LDLRAD3: variants seen among roughly 807,000 people sequenced by gnomAD.
The protein encoded by LDLRAD3 is low-density lipoprotein receptor class A domain-containing protein 3.
A neutral mutation model predicts 29.4 loss-of-function variants in LDLRAD3; 20 were observed. The ratio of observed to expected loss-of-function variants is 0.68; its 90% CI spans 0.48 to 0.99. LDLRAD3 has a LOEUF of 0.99. LDLRAD3 is among the 50% of genes least tolerant of loss of function. The pLI, the probability that LDLRAD3 is intolerant of heterozygous loss-of-function variation, is 0.00. For synonymous variants in LDLRAD3, 157 were observed against 192.7 expected, an observed-to-expected ratio of 0.81 and a Z score of 1.53; for missense variants, 420 against 454.3, an observed-to-expected ratio of 0.92 and a Z score of 0.69.
At chr11:36,164,897 T>C (rs1854492704) in intron 4 of LDLRAD3, among the ~76,000 whole-genome samples, 1 of 152,232 alleles carries the variant, frequency 6.6e-6, no homozygotes, top group South Asian at 2.1e-4. Context: ...GAAAGAGATA[T>C]CTTTTAGAAT....
At chr11:36,052,536 G>A (rs1590228131) in intron 2 of LDLRAD3, among the ~76,000 whole-genome samples, 1 of 152,156 alleles carries the variant, frequency 6.6e-6, no homozygotes, top group South Asian at 2.1e-4. Flanking sequence ...TCTTATTTTG[G>A]CATGGGAGGC....
At chr11:35,991,864 T>TG in intron 1 of LDLRAD3, among the ~76,000 whole-genome samples, 1 of 60,130 alleles carries the variant, frequency 1.7e-5, no homozygotes, top group Non-Finnish European at 3.6e-5. Flanking sequence ...ATTGAATGGT[T>TG]GTTTGTGTGT....
At chr11:36,051,620 A>G (rs1256183392) in intron 2 of LDLRAD3, among the ~76,000 whole-genome samples, 2 of 152,186 alleles carry the variant, frequency 1.3e-5, no homozygotes, top group African/African-American at 4.8e-5. Context: ...TTATGGTAAA[A>G]AAGGTTGTAA....
At chr11:36,182,512 T>C (rs1281325368) in intron 4 of LDLRAD3, among the ~76,000 whole-genome samples, 1 of 152,036 alleles carries the variant, frequency 6.6e-6, no homozygotes, top group African/African-American at 2.4e-5. Context: ...CAACAAACTA[T>C]TTTTTTTCTC....
chr11:36,140,992 T>TCTCTCTCTCTCTCTCTC (rs1854073899), intron 4 of LDLRAD3, among the ~76,000 whole-genome samples: 4 of 109,996 alleles, frequency 3.6e-5, no homozygotes, highest in Non-Finnish European at 5.6e-5. Context: ...CTGTTGAGCT[T>TCTCTCTCTCTCTCTCTC]TCTCTCTCTC....
intron 1 of LDLRAD3, among the ~76,000 whole-genome samples, chr11:36,006,526 T>C (rs916349559): frequency 2.0e-5 from 3 of 152,226 alleles, no homozygotes; most frequent in African/African-American, 2.4e-5. Flanking sequence ...ACTGGGCACC[T>C]TGGGCTCGCT....
intron 2 of LDLRAD3, among the ~76,000 whole-genome samples, chr11:36,076,604 T>G (rs1590247119): frequency 6.6e-6 from 1 of 152,172 alleles, no homozygotes; most frequent in Non-Finnish European, 1.5e-5. Context: ...GCCAGGCTGG[T>G]CTTGAACTCC....
intron 4 of LDLRAD3, among the ~76,000 whole-genome samples, chr11:36,137,232 C>T (rs1254344449): frequency 6.6e-6 from 1 of 152,190 alleles, no homozygotes; most frequent in East Asian, 1.9e-4. Flanking sequence ...CATTCTGTCA[C>T]TGTTTGTGTA....
intron 1 of LDLRAD3, among the ~76,000 whole-genome samples, chr11:36,015,690 A>T (rs903243565): frequency 3.3e-5 from 5 of 149,316 alleles, no homozygotes; most frequent in African/African-American, 7.4e-5. Context: ...GACTTCCAAC[A>T]TCACAGATTC....
chr11:36,191,209 C>T (rs1436998911), intron 4 of LDLRAD3, among the ~76,000 whole-genome samples: 1 of 151,832 alleles, frequency 6.6e-6, no homozygotes, highest in Admixed American at 6.6e-5. Context: ...GTGGTGGATC[C>T]GAAGGTGTGG....
intron 4 of LDLRAD3, among the ~76,000 whole-genome samples, chr11:36,109,422 G>A (rs1001715): frequency 0.034 from 5,190 of 152,200 alleles, 352 homozygotes; most frequent in East Asian, 0.32. Flanking sequence ...GGCTAGAATC[G>A]CCAAGATTTG....
chr11:36,153,346 C>T (rs1042874054), intron 4 of LDLRAD3, among the ~76,000 whole-genome samples: 2 of 152,136 alleles, frequency 1.3e-5, no homozygotes, highest in South Asian at 2.1e-4. Context: ...CAGGAGGGAC[C>T]GGAGATTATT....
intron 4 of LDLRAD3, among the ~76,000 whole-genome samples, chr11:36,125,734 T>C (rs1364017367): frequency 1.3e-5 from 2 of 152,216 alleles, no homozygotes; most frequent in African/African-American, 4.8e-5. Flanking sequence ...GGGAGACCAC[T>C]TTTTGTGATT....
chr11:35,984,647 G>GTT (rs1851585147), intron 1 of LDLRAD3, among the ~76,000 whole-genome samples: 2 of 152,116 alleles, frequency 1.3e-5, no homozygotes, highest in African/African-American at 4.8e-5. Context: ...TTGTTTGTTT[G>GTT]TGAGATGGAG....
intron 2 of LDLRAD3, among the ~76,000 whole-genome samples, chr11:36,070,777 A>G (rs1852887578): frequency 6.6e-6 from 1 of 152,182 alleles, no homozygotes; most frequent in Admixed American, 6.5e-5. Flanking sequence ...CAGGTGGATC[A>G]CTGACTTGTT....
intron 1 of LDLRAD3, among the ~76,000 whole-genome samples, chr11:36,028,492 TG>T (rs1166079147): frequency 6.6e-6 from 1 of 151,846 alleles, no homozygotes; most frequent in Admixed American, 6.6e-5. Flanking sequence ...GGTTGGCAAA[TG>T]GGCTAAAGTC....
chr11:36,153,442 A>G (rs16928451), intron 4 of LDLRAD3, among the ~76,000 whole-genome samples: 10,591 of 152,098 alleles, frequency 0.07, 537 homozygotes, highest in East Asian at 0.25. Context: ...TTTTAATTGA[A>G]CACAGTTGGG....
intron 3 of LDLRAD3, among the ~76,000 whole-genome samples, chr11:36,084,932 C>G (rs1363211652): frequency 6.6e-6 from 1 of 152,138 alleles, no homozygotes; most frequent in Admixed American, 6.5e-5. Context: ...GTTAGCCACC[C>G]CACAAGACCG....
intron 4 of LDLRAD3, among the ~76,000 whole-genome samples, chr11:36,199,981 A>G (rs1339939552): frequency 6.6e-6 from 1 of 152,158 alleles, no homozygotes; most frequent in African/African-American, 2.4e-5. Context: ...AGGCCGGCCA[A>G]CATGGTGAAA....
Sources: allele counts gnomAD v4.1 joint callset (sites outside exome capture counted in the v4.1 genomes callset), GRCh38; gene constraint gnomAD v4.1.1; transcripts MANE v1.5; gene names NCBI Gene and HGNC (gene_info 2026-07-23, HGNC 2026-07-21).